Variants in MYMX observed in about 807,000 individuals in gnomAD.
MYMX encodes myomixer, myoblast fusion factor.
the MYMX span, among the ~76,000 whole-genome samples, chr6:44,209,404 C>T: frequency 6.6e-6 from 1 of 152,164 alleles, no homozygotes; most frequent in Non-Finnish European, 1.5e-5. Flanking sequence ...TTGCAGGCAC[C>T]ACGCCCGGCC....
the MYMX span, among the ~76,000 whole-genome samples, chr6:44,201,540 C>T: frequency 2.0e-5 from 3 of 152,164 alleles, no homozygotes; most frequent in South Asian, 4.1e-4. Context: ...TGAAACATGA[C>T]AGAGCGAGGG....
At chr6:44,198,154 C>CTTTTTTTTTT in the MYMX span, among the ~76,000 whole-genome samples, 1 of 79,770 alleles carries the variant, frequency 1.3e-5, no homozygotes, top group Non-Finnish European at 2.3e-5. Context: ...CCAAATTCCT[C>CTTTTTTTTTT]TTTTTTTTTT....
the MYMX span, among the ~76,000 whole-genome samples, chr6:44,196,873 G>A: frequency 1.3e-5 from 2 of 152,098 alleles, no homozygotes; most frequent in Non-Finnish European, 2.9e-5. Context: ...CAGAAGAATC[G>A]CTTGAACCTG....
chr6:44,215,370 A>G (rs1362782522), upstream of MYMX, among the ~76,000 whole-genome samples: 1 of 148,590 alleles, frequency 6.7e-6, no homozygotes, highest in East Asian at 2.0e-4. Flanking sequence ...CCCAGGAGTT[A>G]GAGACCAGCT....
the MYMX span, among the ~76,000 whole-genome samples, chr6:44,202,360 G>A: frequency 1.3e-5 from 2 of 152,064 alleles, no homozygotes; most frequent in South Asian, 2.1e-4. Flanking sequence ...GGACCACAAA[G>A]GCAGATCCCA....
chr6:44,217,744 G>A lies in MYMX; in HGVS notation c.*18G>A, dbSNP rs1775961977. On this transcript the variant is annotated 3_prime_UTR_variant, in exon 2 of 2. Transcript: ENST00000573382. ...AAAAGTGAGGCCACAAGTCCTGGCA[G>A]CAGCTGTATCCACAAAATGCTTTCT... is the stretch of plus-strand genomic sequence containing the variant. The A allele has an allele frequency of 1.5e-5, 6 of 401,056 alleles. No individual in the cohort carries two copies. In the East Asian group the frequency reaches 2.1e-4, roughly 14 times the overall value. The allele number at this position is 401,056 out of a possible 1,614,324, so 24.8% of individuals were successfully genotyped here.
the MYMX span, among the ~76,000 whole-genome samples, chr6:44,211,788 T>TTTTGTGTG: frequency 7.9e-6 from 1 of 126,380 alleles, no homozygotes; most frequent in African/African-American, 3.1e-5. Context: ...CAGCTAGGTT[T>TTTTGTGTG]TGTGTGTGTG....
chr6:44,215,359 G>C (rs901268798), upstream of MYMX, among the ~76,000 whole-genome samples: 2 of 152,008 alleles, frequency 1.3e-5, no homozygotes, highest in African/African-American at 4.8e-5. Context: ...GATCTCTTGA[G>C]CCCAGGAGTT....
At chr6:44,214,284 G>A (rs141220201), upstream of MYMX, among the ~76,000 whole-genome samples, 423 of 152,352 alleles carry the variant, frequency 2.8e-3, 2 homozygotes, top group African/African-American at 9.9e-3. Context: ...AGATTCTGAA[G>A]ATTTTGAAAG....
At chr6:44,198,583 T>G in the MYMX span, among the ~76,000 whole-genome samples, 1 of 152,076 alleles carries the variant, frequency 6.6e-6, no homozygotes, top group Non-Finnish European at 1.5e-5. Context: ...CTCAGCTCAC[T>G]GCAAACTCCA....
chr6:44,202,276 T>C, the MYMX span, among the ~76,000 whole-genome samples: 25,252 of 152,084 alleles, frequency 0.17, 2,510 homozygotes, highest in African/African-American at 0.29. Flanking sequence ...TTGTCATGTC[T>C]GGCCCGATTA....
At chr6:44,192,775 C>T in the MYMX span, among the ~76,000 whole-genome samples, 1 of 152,220 alleles carries the variant, frequency 6.6e-6, no homozygotes, top group Admixed American at 6.5e-5. Flanking sequence ...GGCCAAGTGT[C>T]CTGGACTCCT....
At chr6:44,203,504 G>A in the MYMX span, among the ~76,000 whole-genome samples, 2 of 152,246 alleles carry the variant, frequency 1.3e-5, no homozygotes. Context: ...GGGAAAAGAG[G>A]AACAGTCCAT....
chr6:44,211,005 C>T, the MYMX span, among the ~76,000 whole-genome samples: 17 of 152,248 alleles, frequency 1.1e-4, no homozygotes, highest in African/African-American at 3.6e-4. Flanking sequence ...GTACTAGTTA[C>T]TCATGAGGTC....
upstream of MYMX, among the ~76,000 whole-genome samples, chr6:44,213,718 T>C (rs114482958): frequency 2.1e-3 from 321 of 152,312 alleles, 2 homozygotes; most frequent in Non-Finnish European, 2.0e-3. Flanking sequence ...CTGCACCCGG[T>C]CTCTAGTATT....
the MYMX span, among the ~76,000 whole-genome samples, chr6:44,201,698 G>A: frequency 1.3e-5 from 2 of 152,194 alleles, no homozygotes; most frequent in African/African-American, 4.8e-5. Context: ...CATAAGGGTG[G>A]AAGGAAGGAA....
the MYMX span, among the ~76,000 whole-genome samples, chr6:44,193,565 T>C: frequency 6.6e-6 from 1 of 152,234 alleles, no homozygotes. Context: ...TTTGCTTAAC[T>C]ATCACCCCAT....
At chr6:44,216,587 G>C (rs1378677986), upstream of MYMX, among the ~76,000 whole-genome samples, 1 of 150,768 alleles carries the variant, frequency 6.6e-6, no homozygotes, top group Non-Finnish European at 1.5e-5. Flanking sequence ...AGGAGGCAGA[G>C]GTTGCAATGA....
At chr6:44,204,644 T>G in the MYMX span, among the ~76,000 whole-genome samples, 1 of 152,166 alleles carries the variant, frequency 6.6e-6, no homozygotes, top group South Asian at 2.1e-4. Context: ...TTTTATCACC[T>G]GAGAGACTTG....
Sources: allele counts gnomAD v4.1 joint callset (sites outside exome capture counted in the v4.1 genomes callset), GRCh38; gene constraint gnomAD v4.1.1; transcripts MANE v1.5; gene names NCBI Gene and HGNC (gene_info 2026-07-23, HGNC 2026-07-21).